ROBO1: variants seen among roughly 807,000 people sequenced by gnomAD.
The protein encoded by ROBO1 is roundabout guidance receptor 1.
Under a neutral mutation model 195.9 loss-of-function variants are expected in ROBO1, and 149 were observed. The observed-to-expected ratio is 0.76, with a 90% CI of 0.67 to 0.87. ROBO1 has a LOEUF of 0.87. Ranked by LOEUF, ROBO1 falls within the 40% of genes least tolerant of loss-of-function variation. The pLI, the probability that ROBO1 is intolerant of heterozygous loss-of-function variation, is 0.00. For synonymous variants in ROBO1, 816 were observed against 733.2 expected (o/e 1.11, Z -1.82); for missense variants, 1,933 against 2,068.3 (o/e 0.93, Z 1.27).
chr3:79,712,253 A>G (rs1702307791), intron 1 of ROBO1, among the ~76,000 whole-genome samples: 1 of 152,180 alleles, frequency 6.6e-6, no homozygotes, highest in South Asian at 2.1e-4. Context: ...CCAAAAAGTT[A>G]TCCAACTTGT....
chr3:79,488,440 T>C (rs1036188056), intron 2 of ROBO1, among the ~76,000 whole-genome samples: 31 of 152,276 alleles, frequency 2.0e-4, no homozygotes, highest in Admixed American at 2.6e-4. Context: ...AATGTGCATA[T>C]GAAGATAGAG....
intron 2 of ROBO1, among the ~76,000 whole-genome samples, chr3:79,259,431 T>A (rs1254168819): frequency 1.3e-5 from 2 of 151,966 alleles, no homozygotes; most frequent in East Asian, 1.9e-4. Context: ...TGAGCCACCA[T>A]GCCTGGCCTA....
intron 3 of ROBO1, among the ~76,000 whole-genome samples, chr3:78,979,076 G>C (rs533774554): frequency 9.2e-5 from 14 of 152,288 alleles, no homozygotes; most frequent in African/African-American, 3.4e-4. Flanking sequence ...GGTTCAATTG[G>C]TGAATGTTTC....
At chr3:78,793,376 G>T (rs968739335) in intron 4 of ROBO1, among the ~76,000 whole-genome samples, 3 of 152,072 alleles carry the variant, frequency 2.0e-5, no homozygotes, top group South Asian at 2.1e-4. Context: ...CTTAGAATTT[G>T]GTTCCTTCAT....
At chr3:79,616,441 A>G (rs1944821827) in intron 1 of ROBO1, among the ~76,000 whole-genome samples, 2 of 152,288 alleles carry the variant, frequency 1.3e-5, no homozygotes, top group Admixed American at 6.5e-5. Context: ...GAGCTGTAGG[A>G]TCCCAAGAGA....
At chr3:79,120,332 A>G (rs1320203074) in intron 3 of ROBO1, among the ~76,000 whole-genome samples, 1 of 152,144 alleles carries the variant, frequency 6.6e-6, no homozygotes, top group Non-Finnish European at 1.5e-5. Flanking sequence ...AATATTAAGA[A>G]AATTTTCCAT....
intron 2 of ROBO1, among the ~76,000 whole-genome samples, chr3:79,396,364 T>C (rs549040499): frequency 8.7e-4 from 132 of 152,204 alleles, no homozygotes; most frequent in African/African-American, 2.9e-3. Context: ...ATATATTCTA[T>C]ACTAGGGTGA....
intron 2 of ROBO1, among the ~76,000 whole-genome samples, chr3:79,492,011 T>A (rs925343423): frequency 2.0e-5 from 3 of 151,164 alleles, no homozygotes; most frequent in African/African-American, 7.2e-5. Context: ...GGTTATTTTT[T>A]GGTTGTAACT....
chr3:79,011,452 G>A (rs2077773502), intron 3 of ROBO1, among the ~76,000 whole-genome samples: 1 of 152,068 alleles, frequency 6.6e-6, no homozygotes, highest in South Asian at 2.1e-4. Context: ...TTAGCACTGT[G>A]TTGCCAAATG....
At chr3:79,507,227 C>T (rs747798853) in intron 2 of ROBO1, among the ~76,000 whole-genome samples, 15 of 152,268 alleles carry the variant, frequency 9.9e-5, no homozygotes, top group African/African-American at 1.4e-4. Flanking sequence ...AGGACAGCTA[C>T]GAAGAGGGTT....
At chr3:78,787,872 G>A (rs1341427260) in intron 4 of ROBO1, among the ~76,000 whole-genome samples, 2 of 149,634 alleles carry the variant, frequency 1.3e-5, no homozygotes, top group African/African-American at 2.5e-5. Flanking sequence ...GAGCTGCAGT[G>A]AGCTATGATC....
chr3:79,511,339 A>T (rs538381947), intron 2 of ROBO1, among the ~76,000 whole-genome samples: 2 of 152,322 alleles, frequency 1.3e-5, no homozygotes, highest in Admixed American at 1.3e-4. Context: ...TTCAGATTAA[A>T]TAAGATACTC....
chr3:78,769,618 G>GTTTTTTTTTT (rs34157314), intron 4 of ROBO1, among the ~76,000 whole-genome samples: 1 of 84,000 alleles, frequency 1.2e-5, no homozygotes, highest in Non-Finnish European at 2.2e-5. Flanking sequence ...GTGTACTTTG[G>GTTTTTTTTTT]TTTTTTTTTT....
chr3:78,681,775 G>T (rs1460002126), intron 10 of ROBO1, among the ~76,000 whole-genome samples: 1 of 152,148 alleles, frequency 6.6e-6, no homozygotes, highest in Non-Finnish European at 1.5e-5. Context: ...GGTGGCGGGA[G>T]CCTGCAGTCC....
In ROBO1 at chr3:79,014,716, T is replaced by C. The variant is rs546516510; in HGVS notation, c.173-75789A>G. On this transcript the variant is annotated intron_variant, in intron 3 of 30. Coordinates refer to ENST00000464233, the MANE Select transcript of ROBO1 (RefSeq NM_002941.4). ...AGATTACCTTAGGCCTAATTTTAAATTGAATGATAACTTTGCTTTCCTTAT... is the reference window on the plus strand; with the variant it reads ...AGATTACCTTAGGCCTAATTTTAAACTGAATGATAACTTTGCTTTCCTTAT... Among the ~76,000 whole-genome samples the C allele has an allele frequency of 2.6e-5, 4 of 152,350 alleles. No individual in the cohort carries two copies. In the South Asian group the frequency reaches 6.2e-4, roughly 24 times the overall value.
At chr3:79,337,359 T>A (rs1284873268) in intron 2 of ROBO1, among the ~76,000 whole-genome samples, 1 of 152,188 alleles carries the variant, frequency 6.6e-6, no homozygotes, top group Non-Finnish European at 1.5e-5. Context: ...GATAATTGAA[T>A]CATGGAGGCA....
chr3:78,616,973 C>T (rs898241763), intron 27 of ROBO1, among the ~76,000 whole-genome samples: 5 of 152,016 alleles, frequency 3.3e-5, no homozygotes, highest in African/African-American at 1.2e-4. Flanking sequence ...ATATGAAAAG[C>T]ACTTGGTTTA....
chr3:78,762,093 T>C (rs1408931178), intron 4 of ROBO1, among the ~76,000 whole-genome samples: 1 of 152,044 alleles, frequency 6.6e-6, no homozygotes, highest in Non-Finnish European at 1.5e-5. Flanking sequence ...TACATTTTTC[T>C]GGAAAAAATG....
chr3:79,216,907 G>A (rs1195106911), intron 2 of ROBO1, among the ~76,000 whole-genome samples: 1 of 151,994 alleles, frequency 6.6e-6, no homozygotes, highest in Admixed American at 6.6e-5. Flanking sequence ...ATTTCAAAGG[G>A]AATTGTGTCG....
Sources: gnomAD v4.1 joint callset for allele counts (sites outside exome capture counted in the v4.1 genomes callset) on GRCh38, gnomAD v4.1.1 for gene constraint, MANE v1.5 for transcripts, NCBI Gene and HGNC (gene_info 2026-07-23, HGNC 2026-07-21) for gene names.